LRMDA: variants seen among roughly 807,000 people sequenced by gnomAD.
LRMDA encodes leucine-rich melanocyte differentiation-associated protein.
In LRMDA, 18 loss-of-function variants were observed where a neutral mutation model predicts 29.8. The ratio of observed to expected loss-of-function variants is 0.60; its 90% CI spans 0.42 to 0.90. The LOEUF (loss-of-function observed/expected upper bound fraction) is 0.90. Ranked by LOEUF, LRMDA falls within the 40% of genes least tolerant of loss-of-function variation. The probability of loss-of-function intolerance (pLI) is 0.00; values close to 1 mark genes in which losing one functional copy is unlikely to be tolerated. For missense variants in LRMDA, 273 were observed against 273.9 expected, an observed-to-expected ratio of 1.00 and a Z score of 0.02; for synonymous variants, 125 against 109.4, an observed-to-expected ratio of 1.14 and a Z score of -0.89.
At chr10:75,974,278 T>C (rs1476847978) in intron 2 of LRMDA, among the ~76,000 whole-genome samples, 1 of 152,156 alleles carries the variant, frequency 6.6e-6, no homozygotes, top group Admixed American at 6.5e-5. Flanking sequence ...ACTCATGGTG[T>C]TCAGGCCCAA....
At chr10:75,954,459 A>G (rs140360925) in intron 2 of LRMDA, among the ~76,000 whole-genome samples, 3 of 152,352 alleles carry the variant, frequency 2.0e-5, no homozygotes, top group African/African-American at 4.8e-5. Context: ...GCTAAAATGC[A>G]TGTTTTTCAC....
At chr10:76,369,528 C>T (rs181337016) in intron 6 of LRMDA, among the ~76,000 whole-genome samples, 7 of 152,146 alleles carry the variant, frequency 4.6e-5, no homozygotes, top group Non-Finnish European at 8.8e-5. Flanking sequence ...GTGCTTCTGT[C>T]TCATAGCTCT....
intron 4 of LRMDA, among the ~76,000 whole-genome samples, chr10:76,049,232 G>A (rs2132043650): frequency 6.6e-6 from 1 of 152,300 alleles, no homozygotes; most frequent in Non-Finnish European, 1.5e-5. Flanking sequence ...AAGGAGTTGA[G>A]GGGTGGGGCT....
At chr10:76,423,750 A>G (rs969020744) in intron 6 of LRMDA, among the ~76,000 whole-genome samples, 1 of 152,242 alleles carries the variant, frequency 6.6e-6, no homozygotes, top group African/African-American at 2.4e-5. Context: ...CTCAGCTAGA[A>G]TGAGTTTTCC....
chr10:76,366,232 T>G (rs886877278), intron 6 of LRMDA, among the ~76,000 whole-genome samples: 4 of 152,192 alleles, frequency 2.6e-5, no homozygotes, highest in African/African-American at 9.6e-5. Flanking sequence ...AGACTCTTTT[T>G]TGGTTCCATA....
chr10:76,333,596 A>G (rs888448846), intron 6 of LRMDA, among the ~76,000 whole-genome samples: 45 of 152,242 alleles, frequency 3.0e-4, no homozygotes, highest in African/African-American at 9.1e-4. Flanking sequence ...TTGTTGTATG[A>G]GGTTGCTGAT....
intron 5 of LRMDA, among the ~76,000 whole-genome samples, chr10:76,323,743 A>G (rs1840800222): frequency 6.6e-6 from 1 of 152,202 alleles, no homozygotes; most frequent in African/African-American, 2.4e-5. Flanking sequence ...GTCTGCGTAC[A>G]GTGAAAAAGC....
At chr10:76,004,144 C>T (rs1847607545) in intron 2 of LRMDA, among the ~76,000 whole-genome samples, 1 of 152,130 alleles carries the variant, frequency 6.6e-6, no homozygotes. Context: ...TTACTAGTTG[C>T]ACATTTAGCT....
chr10:76,096,803 T>A (rs1258970341), intron 5 of LRMDA, among the ~76,000 whole-genome samples: 4 of 152,152 alleles, frequency 2.6e-5, no homozygotes. Context: ...AGCATATAAA[T>A]CTTGCTCATA....
At chr10:75,660,104 C>T (rs1261891436) in intron 2 of LRMDA, among the ~76,000 whole-genome samples, 1 of 152,180 alleles carries the variant, frequency 6.6e-6, no homozygotes, top group East Asian at 1.9e-4. Flanking sequence ...CACAGGCACA[C>T]ACACACTATC....
intron 2 of LRMDA, among the ~76,000 whole-genome samples, chr10:75,594,768 T>G (rs2132086786): frequency 6.6e-6 from 1 of 152,348 alleles, no homozygotes; most frequent in East Asian, 1.9e-4. Context: ...AACAAAAATA[T>G]TATTCATCAT....
intron 2 of LRMDA, among the ~76,000 whole-genome samples, chr10:75,857,580 C>T (rs554224192): frequency 7.2e-5 from 11 of 152,324 alleles, no homozygotes; most frequent in African/African-American, 2.2e-4. Context: ...CAATAAATAA[C>T]TTTGCCTTTC....
intron 5 of LRMDA, among the ~76,000 whole-genome samples, chr10:76,268,956 C>T (rs1000884136): frequency 6.6e-5 from 10 of 152,150 alleles, no homozygotes; most frequent in Non-Finnish European, 1.3e-4. Context: ...TAGGTGACTT[C>T]TGACTGCAGA....
chr10:75,735,324 G>A (rs781074436), intron 2 of LRMDA, among the ~76,000 whole-genome samples: 7 of 152,190 alleles, frequency 4.6e-5, no homozygotes, highest in Admixed American at 2.0e-4. Context: ...GGCAAAATGA[G>A]AAGTAGAGGG....
chr10:75,759,533 G>GT (rs1277165224), intron 2 of LRMDA, among the ~76,000 whole-genome samples: 4 of 152,158 alleles, frequency 2.6e-5, no homozygotes, highest in African/African-American at 9.7e-5. Context: ...AAGCAGCTCA[G>GT]TATTTTGTCT....
In LRMDA at chr10:75,501,920, A is replaced by G. The variant is rs111539850; in HGVS notation, c.131+63426A>G. On this transcript the variant is annotated intron_variant, in intron 2 of 6. Transcript: ENST00000611255. ...GTGATCCTCCCACCTCAGTCTCCCA[A>G]AGTGCTGGGGTTACAGACATGAGCC... 1.1e-4 allele frequency among the ~76,000 whole-genome samples: 17 copies of G among 152,238 alleles called. 1 individual carries two copies. Among genetic ancestry groups the G allele is most frequent in the African/African-American group, 4.1e-4 (17 of 41,552 alleles).
intron 5 of LRMDA, among the ~76,000 whole-genome samples, chr10:76,104,793 C>A (rs538668357): frequency 3.9e-5 from 6 of 152,086 alleles, no homozygotes; most frequent in Admixed American, 2.0e-4. Context: ...GCTCACCCCC[C>A]ATATGGAACC....
intron 2 of LRMDA, among the ~76,000 whole-genome samples, chr10:75,696,692 G>A (rs923317720): frequency 2.0e-5 from 3 of 152,176 alleles, no homozygotes; most frequent in Non-Finnish European, 4.4e-5. Context: ...ATCCAGAAAG[G>A]GGAAATAACT....
intron 2 of LRMDA, among the ~76,000 whole-genome samples, chr10:75,639,247 A>G (rs1458018169): frequency 6.6e-6 from 1 of 152,154 alleles, no homozygotes; most frequent in Non-Finnish European, 1.5e-5. Flanking sequence ...CAAACAAGGC[A>G]TTTTTTTGGT....
Sources: gnomAD v4.1 joint callset for allele counts (sites outside exome capture counted in the v4.1 genomes callset) on GRCh38, gnomAD v4.1.1 for gene constraint, MANE v1.5 for transcripts, NCBI Gene and HGNC (gene_info 2026-07-23, HGNC 2026-07-21) for gene names.